The following METTL22 variants were observed in gnomAD, a reference collection of about 807,000 sequenced individuals.
METTL22 encodes the protein methyltransferase 22, Kin17 lysine.
A neutral mutation model predicts 48.4 loss-of-function variants in METTL22; 51 were observed. The observed-to-expected ratio is 1.05, with a 90% confidence interval of 0.84 to 1.33. METTL22 has a LOEUF of 1.33. METTL22 is among the 40% of genes most tolerant of loss of function. METTL22 has a pLI of 0.00. For synonymous variants in METTL22, 255 were observed against 214.1 expected, an observed-to-expected ratio of 1.19 and a Z score of -1.67; for missense variants, 678 against 526.9, an observed-to-expected ratio of 1.29 and a Z score of -2.81.
chr16:8,639,241 T>C (rs935496049), intron 6 of METTL22, 79 bp downstream of exon 6: 24 of 1,412,860 alleles, frequency 1.7e-5, no homozygotes, highest in African/African-American at 2.8e-5. Flanking sequence ...GACCATGACA[T>C]TGGGAGGCAG....
At chr16:8,625,431 G>A in intron 1 of METTL22, 65 bp from the exon 2 acceptor site, 1 of 355,012 alleles carries the variant, frequency 2.8e-6, no homozygotes, top group Non-Finnish European at 5.0e-6. Flanking sequence ...ATGAATATAT[G>A]AATGAATATA....
rs746400090 is a variant in METTL22, at chr16:8,644,674, C to G, written c.1128C>G (p.Pro376=). The change falls in exon 10 of 11, where the codon CCC becomes CCG. Residue 376 remains proline (P), a synonymous_variant. Coordinates refer to ENST00000381920, the MANE Select transcript of METTL22 (RefSeq NM_024109.4). ...ADGKLRFVVE[P]VEASFPQLLV... ...GCAAGCTGCGCTTCGTGGTGGAGCC[C>G]GTGGAGGCCTCCTTCCCACAGCTCC... 6.2e-7 allele frequency: 1 copy of G among 1,605,390 alleles called. No homozygotes were observed. Among genetic ancestry groups the G allele is most frequent in the Non-Finnish European group, 8.5e-7 (1 of 1,176,112 alleles).
chr16:8,630,613 G>T (rs1205805762), intron 3 of METTL22, among the ~76,000 whole-genome samples: 1 of 152,134 alleles, frequency 6.6e-6, no homozygotes, highest in Non-Finnish European at 1.5e-5. Flanking sequence ...AAACCTGTCA[G>T]TTACTCCACA....
At chr16:8,658,508 C>G in the METTL22 span, among the ~76,000 whole-genome samples, 3 of 152,202 alleles carry the variant, frequency 2.0e-5, no homozygotes, top group Admixed American at 2.0e-4. Flanking sequence ...GGCTCAATCT[C>G]AAAGATCTTG....
intron 2 of METTL22, among the ~76,000 whole-genome samples, 179 bp from the exon 3 acceptor site, chr16:8,628,551 C>CTCCT (rs1398095942): frequency 1.3e-5 from 2 of 151,986 alleles, no homozygotes; most frequent in Non-Finnish European, 2.9e-5. Flanking sequence ...TGGCCCCAGC[C>CTCCT]TCCTGGCTGG....
At chr16:8,660,091 A>AC in the METTL22 span, among the ~76,000 whole-genome samples, 1 of 88,814 alleles carries the variant, frequency 1.1e-5, no homozygotes, top group Non-Finnish European at 2.5e-5. Flanking sequence ...TAGGAAAATC[A>AC]CCCCAAAGGG....
At chr16:8,623,291 A>G (rs2055920939) in intron 1 of METTL22, among the ~76,000 whole-genome samples, 1 of 151,730 alleles carries the variant, frequency 6.6e-6, no homozygotes, top group Non-Finnish European at 1.5e-5. Context: ...AGCCTGGGCA[A>G]CAGAGTGAGA....
chr16:8,660,888 A>T, the METTL22 span, among the ~76,000 whole-genome samples: 12 of 122,486 alleles, frequency 9.8e-5, no homozygotes, highest in South Asian at 3.0e-4. Flanking sequence ...GAGGAGGAGG[A>T]GGAGGAGGAG....
chr16:8,652,776 A>G (rs920656286), downstream of METTL22, among the ~76,000 whole-genome samples: 1 of 152,170 alleles, frequency 6.6e-6, no homozygotes, highest in African/African-American at 2.4e-5. Flanking sequence ...TGATGGAAAT[A>G]TCAGTAGGTA....
downstream of METTL22, among the ~76,000 whole-genome samples, chr16:8,653,100 C>T (rs1250115181): frequency 6.6e-6 from 1 of 152,138 alleles, no homozygotes; most frequent in East Asian, 1.9e-4. Flanking sequence ...GGCAGTGGAT[C>T]CCAGCTTCAA....
intron 1 of METTL22, among the ~76,000 whole-genome samples, chr16:8,623,227 C>T (rs969122204): frequency 4.0e-5 from 6 of 151,548 alleles, no homozygotes; most frequent in Non-Finnish European, 5.9e-5. Context: ...GGTAGGATCA[C>T]TTGAGCCCAG....
In METTL22 at chr16:8,622,933, A is replaced by G. The variant is rs1406659126; in HGVS notation, c.-171+1158A>G. On this transcript the variant is annotated intron_variant, in intron 1 of 10. Transcript: ENST00000381920. ...AATTTGAGTTTTTTTGTGTGTGTCT[A>G]TACTTAAAATTTGGTGTGTAATATT... is the stretch of plus-strand genomic sequence containing the variant. Among the ~76,000 whole-genome samples, 5 of 152,348 alleles carry G rather than the reference A, an allele frequency of 3.3e-5. No individual in the cohort carries two copies. The South Asian group carries it at 6.2e-4, about 19-fold the overall frequency.
chr16:8,626,427 G>T (rs2056054089), intron 2 of METTL22, among the ~76,000 whole-genome samples: 1 of 151,040 alleles, frequency 6.6e-6, no homozygotes, highest in East Asian at 2.0e-4. Flanking sequence ...AAGTGCTGGG[G>T]CTCCATCTGT....
chr16:8,642,267 T>G lies in METTL22; in HGVS notation c.907+60T>G, dbSNP rs2056643822. 9 of 1,466,036 alleles carry G rather than the reference T, an allele frequency of 6.1e-6. No individual in the cohort carries two copies. The Admixed American group carries it at 1.2e-4, about 19-fold the overall frequency. The allele number at this position is 1,466,036 out of a possible 1,614,324, so 90.8% of individuals were successfully genotyped here. ...TGTTGTAGCATGAAGTCAAGTGCAG[T>G]CTCTCCTCACTTCCCCCGGGAGTTC... On this transcript the variant is annotated intron_variant, in intron 8 of 10. Transcript: ENST00000381920.
the METTL22 span, among the ~76,000 whole-genome samples, chr16:8,655,515 T>G: frequency 4.6e-5 from 7 of 152,180 alleles, no homozygotes; most frequent in Non-Finnish European, 1.0e-4. Flanking sequence ...ATCTGAGAAG[T>G]GACACTCCGT....
In METTL22 at chr16:8,638,442, A is replaced by G. The variant is rs551454125; in HGVS notation, c.701-649A>G. The stretch of plus-strand genomic sequence containing the variant: ...GCTTCTGCCAGTGAGGATTCACTGT[A>G]CCCCAAGTTAGTTCTTGAAATGATG... On this transcript the variant is annotated intron_variant, in intron 5 of 10. Coordinates refer to ENST00000381920, the MANE Select transcript of METTL22 (RefSeq NM_024109.4). Among the ~76,000 whole-genome samples, 4 of 152,288 alleles carry G rather than the reference A, an allele frequency of 2.6e-5. No homozygotes were observed. In the South Asian group the frequency reaches 6.2e-4, roughly 24 times the overall value.
At chr16:8,651,636 A>C (rs1372843527), downstream of METTL22, among the ~76,000 whole-genome samples, 1 of 152,114 alleles carries the variant, frequency 6.6e-6, no homozygotes, top group Non-Finnish European at 1.5e-5. Context: ...CCTGTTTGCC[A>C]CCCTATCCTG....
chr16:8,663,290 CTG>C, the METTL22 span, among the ~76,000 whole-genome samples: 1 of 150,004 alleles, frequency 6.7e-6, no homozygotes, highest in African/African-American at 2.5e-5. Context: ...TTTCTATTAA[CTG>C]TGTGTCTTGG....
chr16:8,650,341 A>C (rs958418845), downstream of METTL22, among the ~76,000 whole-genome samples: 7 of 152,166 alleles, frequency 4.6e-5, no homozygotes, highest in Non-Finnish European at 2.9e-5. Context: ...AGAAAAAAAA[A>C]CCCACCAACT....
Sources: allele counts gnomAD v4.1 joint callset (sites outside exome capture counted in the v4.1 genomes callset), GRCh38; gene constraint gnomAD v4.1.1; transcripts MANE v1.5; gene names NCBI Gene and HGNC (gene_info 2026-07-23, HGNC 2026-07-21).